SYT1: variants seen among roughly 807,000 people sequenced by gnomAD.
SYT1 encodes the protein synaptotagmin-1.
SYT1 carries 8 observed loss-of-function variants against 44.8 expected under a neutral mutation model. That is an observed-to-expected ratio of 0.18 (90% CI 0.10 to 0.32). The LOEUF is 0.32. Ranked by LOEUF, SYT1 falls within the 10% of genes least tolerant of loss-of-function variation. The pLI is 1.00. For synonymous variants in SYT1, 154 were observed against 188.8 expected, an observed-to-expected ratio of 0.82 and a Z score of 1.51; for missense variants, 286 against 509.3, an observed-to-expected ratio of 0.56 and a Z score of 4.22.
At chr12:79,012,666 T>C (rs940188348) in intron 2 of SYT1, among the ~76,000 whole-genome samples, 2 of 152,264 alleles carry the variant, frequency 1.3e-5, no homozygotes, top group Non-Finnish European at 2.9e-5. Context: ...TTTATTATAA[T>C]ATTTCCTGGT....
chr12:78,882,403 G>A (rs1377693200), intron 1 of SYT1, among the ~76,000 whole-genome samples: 1 of 151,708 alleles, frequency 6.6e-6, no homozygotes, highest in Non-Finnish European at 1.5e-5. Flanking sequence ...CACTCTATGA[G>A]TGTATCTACT....
rs1163419508 is a variant in SYT1 at position 79,449,163 on chromosome 12, C to T, written c.*39C>T. 1.3e-6 allele frequency: 2 copies of T among 1,556,382 alleles called. No homozygotes were observed. Among genetic ancestry groups the T allele is most frequent in the Non-Finnish European group, 1.7e-6 (2 of 1,147,736 alleles). The stretch of plus-strand genomic sequence containing the variant: ...CCTTTCTGCATTTGCCCATATAGTG[C>T]TCTTTAGCCAGTATCTGTAAATACC... On this transcript the variant is annotated 3_prime_UTR_variant, in exon 11 of 11. Transcript: ENST00000261205.
At chr12:79,058,291 T>C (rs894550775) in intron 3 of SYT1, among the ~76,000 whole-genome samples, 3 of 152,108 alleles carry the variant, frequency 2.0e-5, no homozygotes, top group Non-Finnish European at 4.4e-5. Flanking sequence ...AATGACAATA[T>C]TTTTAGCATT....
Position 79,167,208 on chromosome 12 carries a change from T to A in SYT1, c.-17-50295T>A, listed in dbSNP as rs531178105. ...ATTCCCTATGAAAAGGACAAAGTCC[T>A]GCCCTTGAAAATGTTAGGATTTCAA... On this transcript the variant is annotated intron_variant, in intron 3 of 10. Coordinates refer to ENST00000261205, the MANE Select transcript of SYT1 (RefSeq NM_005639.3). Among the ~76,000 whole-genome samples, 145 of 152,160 alleles carry A rather than the reference T, an allele frequency of 9.5e-4. No homozygotes were observed. The Middle Eastern group carries it at 0.014, about 14-fold the overall frequency.
intron 4 of SYT1, among the ~76,000 whole-genome samples, 171 bp downstream of exon 4, chr12:79,217,856 C>A (rs1469378435): frequency 6.6e-6 from 1 of 151,336 alleles, no homozygotes; most frequent in Non-Finnish European, 1.5e-5. Context: ...ATGGAATATT[C>A]TTCTTGTCTT....
intron 3 of SYT1, among the ~76,000 whole-genome samples, chr12:79,065,015 C>G (rs1225281086): frequency 2.0e-5 from 3 of 150,780 alleles, no homozygotes; most frequent in Non-Finnish European, 4.4e-5. Context: ...ACCTTTCCTT[C>G]TCATTTCTAG....
intron 4 of SYT1, among the ~76,000 whole-genome samples, chr12:79,218,639 T>C (rs988068468): frequency 6.6e-6 from 1 of 152,194 alleles, no homozygotes; most frequent in African/African-American, 2.4e-5. Context: ...TTATGTCCTG[T>C]GCCTGGATTA....
chr12:79,117,862 T>A lies in SYT1; in HGVS notation c.-18+70500T>A, dbSNP rs188747031. Among the ~76,000 whole-genome samples the A allele has an allele frequency of 7.9e-4, 120 of 151,592 alleles. 1 individual carries two copies. The South Asian group carries it at 0.016, about 20-fold the overall frequency. On this transcript the variant is annotated intron_variant, in intron 3 of 10. Transcript: ENST00000261205. ...CTTTTGTATGAAATTATATAATTCTTAGGGTAACACCTTAAAACTCATAAT... is the reference window on the plus strand; with the variant it reads ...CTTTTGTATGAAATTATATAATTCTAAGGGTAACACCTTAAAACTCATAAT...
chr12:79,264,599 C>T (rs1878023442), intron 4 of SYT1, among the ~76,000 whole-genome samples: 1 of 152,176 alleles, frequency 6.6e-6, no homozygotes, highest in Non-Finnish European at 1.5e-5. Flanking sequence ...CAAAATCTAG[C>T]ATGTTGCCAA....
intron 3 of SYT1, among the ~76,000 whole-genome samples, chr12:79,086,270 A>G (rs1350004081): frequency 6.6e-6 from 1 of 151,900 alleles, no homozygotes; most frequent in Non-Finnish European, 1.5e-5. Context: ...GTATAGGTAT[A>G]TGTGTGTGTG....
intron 4 of SYT1, among the ~76,000 whole-genome samples, chr12:79,275,452 G>C (rs963300336): frequency 3.3e-5 from 5 of 152,104 alleles, no homozygotes; most frequent in Admixed American, 1.3e-4. Context: ...GTTCAGGCTT[G>C]CAAGAGGGGT....
chr12:79,435,138 T>C (rs1173551688), intron 9 of SYT1, among the ~76,000 whole-genome samples: 1 of 152,150 alleles, frequency 6.6e-6, no homozygotes, highest in Non-Finnish European at 1.5e-5. Flanking sequence ...TGTGATGATA[T>C]AAGACTTGTA....
intron 1 of SYT1, among the ~76,000 whole-genome samples, chr12:78,966,741 A>G (rs930390377): frequency 6.6e-6 from 1 of 152,178 alleles, no homozygotes; most frequent in African/African-American, 2.4e-5. Flanking sequence ...ATGATGTTGG[A>G]GAAAGCACTT....
intron 8 of SYT1, among the ~76,000 whole-genome samples, chr12:79,310,570 A>G (rs1235676114): frequency 1.3e-5 from 2 of 152,176 alleles, no homozygotes; most frequent in Non-Finnish European, 2.9e-5. Context: ...TGGTAGCTTG[A>G]TGGGAATGGC....
intron 9 of SYT1, among the ~76,000 whole-genome samples, chr12:79,424,360 C>T (rs1869306007): frequency 6.6e-6 from 1 of 152,012 alleles, no homozygotes; most frequent in Admixed American, 6.6e-5. Context: ...AAACAAATGC[C>T]ATGGATGTAT....
intron 4 of SYT1, among the ~76,000 whole-genome samples, chr12:79,276,397 G>A (rs573420277): frequency 6.6e-6 from 1 of 151,770 alleles, no homozygotes; most frequent in African/African-American, 2.4e-5. Flanking sequence ...AACAGAATTA[G>A]TGGGGCGCAA....
intron 9 of SYT1, among the ~76,000 whole-genome samples, chr12:79,366,894 C>CTGTGTGTGTGTGTGTGTGTG (rs3995413): frequency 8.5e-6 from 1 of 117,424 alleles, no homozygotes; most frequent in African/African-American, 3.4e-5. Flanking sequence ...ATAAATAATA[C>CTGTGTGTGTGTGTGTGTGTG]TGTGTGTGTG....
chr12:79,320,182 A>G (rs1459052946), intron 8 of SYT1, among the ~76,000 whole-genome samples: 1 of 152,184 alleles, frequency 6.6e-6, no homozygotes, highest in Non-Finnish European at 1.5e-5. Context: ...CAAAAAATGT[A>G]TGATTCCCTA....
chr12:79,106,341 G>C (rs958711220), intron 3 of SYT1, among the ~76,000 whole-genome samples: 1 of 152,140 alleles, frequency 6.6e-6, no homozygotes, highest in African/African-American at 2.4e-5. Context: ...TGAGATAGGC[G>C]AGTGATCCAC....
Sources: gnomAD v4.1 joint callset for allele counts (sites outside exome capture counted in the v4.1 genomes callset) on GRCh38, gnomAD v4.1.1 for gene constraint, MANE v1.5 for transcripts, NCBI Gene and HGNC (gene_info 2026-07-23, HGNC 2026-07-21) for gene names.